The following AEN variants were observed in gnomAD, a reference collection of about 807,000 sequenced individuals.
AEN encodes apoptosis enhancing nuclease.
A neutral mutation model predicts 17.7 loss-of-function variants in AEN; 21 were observed. The observed-to-expected ratio is 1.19, with a 90% CI of 0.84 to 1.71. The LOEUF (loss-of-function observed/expected upper bound fraction) is 1.71. Among genes scored for constraint, AEN ranks in the 40% most tolerant of loss-of-function variants. The pLI, the probability that AEN is intolerant of heterozygous loss-of-function variation, is 0.00. For synonymous variants in AEN, 190 were observed against 173.0 expected, an observed-to-expected ratio of 1.10 and a Z score of -0.77; for missense variants, 462 against 435.9, an observed-to-expected ratio of 1.06 and a Z score of -0.53.
At chr15:88,607,917 G>A in the AEN span, among the ~76,000 whole-genome samples, 1 of 152,094 alleles carries the variant, frequency 6.6e-6, no homozygotes, top group African/African-American at 2.4e-5. Context: ...CAGACAGCTG[G>A]TCTGCTTTTT....
intron 2 of AEN, chr15:88,628,833 G>A (rs1418165609): frequency 4.9e-6 from 1 of 204,900 alleles, no homozygotes; most frequent in South Asian, 8.1e-5. Context: ...ACAGTGCGGT[G>A]GGGGAGAGTT....
At chr15:88,607,573 AAG>A in the AEN span, among the ~76,000 whole-genome samples, 1 of 152,198 alleles carries the variant, frequency 6.6e-6, no homozygotes, top group Admixed American at 6.5e-5. Context: ...CAACAACAAA[AAG>A]AAGTTTGTTT....
intron 1 of AEN, among the ~76,000 whole-genome samples, chr15:88,622,241 G>C (rs1036639367): frequency 6.6e-6 from 1 of 152,192 alleles, no homozygotes; most frequent in Non-Finnish European, 1.5e-5. Flanking sequence ...CCCCCAGAGC[G>C]CTGGGTCCAG....
the AEN span, among the ~76,000 whole-genome samples, chr15:88,605,643 G>A: frequency 6.6e-6 from 1 of 152,234 alleles, no homozygotes; most frequent in East Asian, 1.9e-4. This position sits in a 1 kb window ranked among gnomAD's most constrained non-coding sequence, Gnocchi z 7.6. Context: ...CCCTGGGAGA[G>A]CCCTATCTGC....
At chr15:88,623,442 C>G (rs2057812627) in intron 1 of AEN, among the ~76,000 whole-genome samples, 1 of 152,092 alleles carries the variant, frequency 6.6e-6, no homozygotes, top group Admixed American at 6.5e-5. Flanking sequence ...TGCTACTGCT[C>G]AGGTTTTCAT....
At position 88,630,338 on chromosome 15, in the gene AEN, AG is replaced by A; in HGVS notation, c.*46del. The A allele has an allele frequency of 6.5e-7, 1 of 1,532,312 alleles. No homozygotes were observed. Among genetic ancestry groups the A allele is most frequent in the Non-Finnish European group, 8.8e-7 (1 of 1,130,770 alleles). The allele number at this position is 1,532,312 out of a possible 1,614,324, so 94.9% of individuals were successfully genotyped here. A position where few individuals can be genotyped will look rare whatever the true frequency, so the allele number is the denominator to read the frequency against. ...TGGCTGGGCTTCCGGTGTGGCCGGT[AG>A]GAAGTGGGGGCCAGGAGAGCAGCGG... On this transcript the variant is annotated 3_prime_UTR_variant, in exon 4 of 4. Coordinates refer to ENST00000332810, the MANE Select transcript of AEN (RefSeq NM_022767.4). The surrounding 1 kb of genome is among the most constrained non-coding windows in gnomAD (Gnocchi z 5.1).
At chr15:88,626,812 T>A in intron 2 of AEN, 63 bp downstream of exon 2, 1 of 1,531,606 alleles carries the variant, frequency 6.5e-7, no homozygotes, top group Non-Finnish European at 8.8e-7. Context: ...CACCCTGGGT[T>A]TGAATCACCA....
chr15:88,611,931 C>G, the AEN span: 1 of 498,608 alleles, frequency 2.0e-6, no homozygotes. Flanking sequence ...TGCCAGCCAT[C>G]GCAGCGGGGT....
At chr15:88,614,189 T>C in the AEN span, among the ~76,000 whole-genome samples, 1 of 152,260 alleles carries the variant, frequency 6.6e-6, no homozygotes, top group Admixed American at 6.5e-5. Flanking sequence ...GACAATTTAC[T>C]ACTGTTTTTA....
the AEN span, among the ~76,000 whole-genome samples, chr15:88,614,536 C>T: frequency 6.6e-6 from 1 of 152,150 alleles, no homozygotes; most frequent in Admixed American, 6.5e-5. Flanking sequence ...TTATTGGAGT[C>T]TCAACACAAA....
chr15:88,610,188 C>A, the AEN span, among the ~76,000 whole-genome samples: 2 of 152,152 alleles, frequency 1.3e-5, no homozygotes, highest in African/African-American at 4.8e-5. Context: ...CTCCTATTAA[C>A]CAAGGGGTTA....
upstream of AEN, chr15:88,621,318 G>C (rs2141365626): frequency 6.6e-6 from 1 of 152,506 alleles, no homozygotes; most frequent in East Asian, 1.9e-4. Context: ...GCTTGCCCGG[G>C]CATGTGGGAG....
rs757958641 is a variant in AEN at position 88,629,246 on chromosome 15, C to T, written c.561C>T (p.Gly187=). The T allele has an allele frequency of 1.2e-6, 2 of 1,613,980 alleles. No individual in the cohort carries two copies. The highest frequency in any genetic ancestry group is 1.7e-5 in the Admixed American group (1 of 59,986). Reference sequence around the variant, plus strand: ...CACAGATCCTTAAGCTCCTGAAGGGCAAGGTGGTGGTGGGGCACGCGCTGC... The same window carrying T: ...CACAGATCCTTAAGCTCCTGAAGGGTAAGGTGGTGGTGGGGCACGCGCTGC... The part of the protein sequence containing the change: ...AQKEILKLLK[G]KVVVGHALHN... Residue 187 remains glycine, a synonymous_variant, in exon 3 of 4, where the codon GGC becomes GGT. Transcript: ENST00000332810.
Position 88,621,388 on chromosome 15 carries a change from A to G in AEN, c.-65+6A>G, listed in dbSNP as rs1220645090. On this transcript the variant is annotated splice_donor_region_variant and intron_variant, in intron 1 of 3. Transcript: ENST00000332810. Reference sequence around the variant, plus strand: ...AGAGACACGCGGGGCTTCAGGTGAGATCCAGGACCCTGCACCGGGGCGGCG... The same window carrying G: ...AGAGACACGCGGGGCTTCAGGTGAGGTCCAGGACCCTGCACCGGGGCGGCG... 6.6e-6 allele frequency: 1 copy of G among 152,274 alleles called. No individual in the cohort carries two copies. Among genetic ancestry groups the G allele is most frequent in the African/African-American group, 2.4e-5 (1 of 41,458 alleles). The allele number at this position is 152,274 out of a possible 1,614,324, so 9.4% of individuals were successfully genotyped here.
chr15:88,631,451 G>A lies in AEN; in HGVS notation c.*1157G>A. The A allele has an allele frequency of 4.5e-6, 1 of 224,494 alleles. No individual in the cohort carries two copies. The highest frequency in any genetic ancestry group is 5.8e-5 in the South Asian group (1 of 17,208). The allele number at this position is 224,494 out of a possible 1,614,324, so 13.9% of individuals were successfully genotyped here. On this transcript the variant is annotated 3_prime_UTR_variant, in exon 4 of 4. Coordinates refer to ENST00000332810, the MANE Select transcript of AEN (RefSeq NM_022767.4). ...CAAGAGCTCAGGTCACACAGACCTT[G>A]GAGCCCCATCTTTGCTTGCAGCTTA... is the stretch of plus-strand genomic sequence containing the variant.
Position 88,630,467 on chromosome 15 carries a change from G to A in AEN, c.*173G>A. The A allele has an allele frequency of 1.6e-6, 1 of 624,220 alleles. No individual in the cohort carries two copies. The highest frequency in any genetic ancestry group is 2.8e-6 in the Non-Finnish European group (1 of 353,040). 38.7% of individuals were successfully genotyped at this position (624,220 alleles called of 1,614,324 possible). ...CTTGACACCCTCTGCACACAGCATA[G>A]CCCTCTCTCTCTCCAGGGCTGTTGG... On this transcript the variant is annotated 3_prime_UTR_variant, in exon 4 of 4. Coordinates refer to ENST00000332810, the MANE Select transcript of AEN (RefSeq NM_022767.4). The surrounding 1 kb of genome is among the most constrained non-coding windows in gnomAD (Gnocchi z 5.1).
Position 88,630,161 on chromosome 15 carries a change from G to A in AEN, c.845G>A (p.Trp282Ter). 1.2e-6 allele frequency: 2 copies of A among 1,613,928 alleles called. No individual in the cohort carries two copies. The highest frequency in any genetic ancestry group is 1.7e-6 in the Non-Finnish European group (2 of 1,179,964). Residue 282 changes from tryptophan to a stop codon, truncating the protein, a stop_gained, in exon 4 of 4, where the codon TGG becomes TAG. Coordinates refer to ENST00000332810, the MANE Select transcript of AEN (RefSeq NM_022767.4). LOFTEE classifies it low-confidence loss of function (END_TRUNC). This position sits in a 1 kb window ranked among gnomAD's most constrained non-coding sequence, Gnocchi z 5.1. ...GAACAGCAGGAGGCCCGCAGCCTCT[G>A]GACCTGCCCCGAGGACAGAGAACCT... ...QWEQQEARSL[W>*]TCPEDREPDS...
At chr15:88,610,386 G>A in the AEN span, among the ~76,000 whole-genome samples, 1 of 151,064 alleles carries the variant, frequency 6.6e-6, no homozygotes, top group Non-Finnish European at 1.5e-5. Flanking sequence ...GATGGGGAAA[G>A]GAGGTCTCAG....
chr15:88,616,978 C>T (rs1417455798), upstream of AEN, among the ~76,000 whole-genome samples: 1 of 152,174 alleles, frequency 6.6e-6, no homozygotes, highest in African/African-American at 2.4e-5. Context: ...GACATGGCCT[C>T]ATTGTTAAGT....
Sources: allele counts gnomAD v4.1 joint callset (sites outside exome capture counted in the v4.1 genomes callset), GRCh38; gene constraint gnomAD v4.1.1; non-coding constraint Gnocchi (gnomAD v3.1); transcripts MANE v1.5; gene names NCBI Gene and HGNC (gene_info 2026-07-23, HGNC 2026-07-21).